The following GC variants were observed in gnomAD, a reference collection of about 807,000 sequenced individuals.
GC encodes GC vitamin D binding protein, also known as vitamin D-binding protein.
A neutral mutation model predicts 56.7 loss-of-function variants in GC; 43 were observed. That is an observed-to-expected ratio of 0.76 (90% CI 0.59 to 0.98). The LOEUF (loss-of-function observed/expected upper bound fraction) is 0.98. GC is among the 50% of genes least tolerant of loss of function. GC has a pLI of 0.00. For missense variants in GC, 529 were observed against 545.9 expected (o/e 0.97, Z 0.31); for synonymous variants, 216 against 202.7 (o/e 1.07, Z -0.56).
intron 7 of GC, 93 bp from the exon 8 acceptor site, chr4:71,757,007 A>T: frequency 2.3e-6 from 2 of 858,698 alleles, no homozygotes. Context: ...TTGGCATCAC[A>T]TTTATGAAAG....
At position 71,754,971 on chromosome 4, in the gene GC, A is replaced by G. The variant is rs1300191150; in HGVS notation, c.1164+7T>C. On this transcript the variant is annotated splice_region_variant and intron_variant, in intron 9 of 12. Transcript: ENST00000273951. ...TGTGCTTGATAAAGAAAATCCAACA[A>G]ATATACCTTAGCATTAAAACAGGTA... 1 of 1,560,598 alleles carries G rather than the reference A, an allele frequency of 6.4e-7. No individual in the cohort carries two copies. The highest frequency in any genetic ancestry group is 2.3e-5 in the East Asian group (1 of 42,948).
In GC at chr4:71,756,832, G is replaced by C. The variant is rs774383845; in HGVS notation, c.914C>G (p.Ala305Gly). Residue 305 changes from alanine (A) to glycine (G), a missense_variant, in exon 8 of 13, where the codon GCC (alanine) becomes GGC (glycine). By Grantham distance (60) the Ala-to-Gly change is moderately conservative (BLOSUM62 0). Transcript: ENST00000273951. Reference sequence around the variant, plus strand: ...GTAAGTGCACACAAAAACGTCCATGGCTGTTTTTTCTTGACAACAGTCTTC... The same window carrying C: ...GTAAGTGCACACAAAAACGTCCATGCCTGTTTTTTCTTGACAACAGTCTTC... ...KFEDCCQEKT[A>G]MDVFVCTYFM... The C allele has an allele frequency of 1.2e-6, 2 of 1,612,656 alleles. No homozygotes were observed. The highest frequency in any genetic ancestry group is 1.7e-6 in the Non-Finnish European group (2 of 1,178,718).
intron 1 of GC, among the ~76,000 whole-genome samples, chr4:71,802,781 G>C (rs1743281795): frequency 6.6e-6 from 1 of 152,146 alleles, no homozygotes. Context: ...CTGAAATATA[G>C]ATGCTTTTCA....
chr4:71,774,842 C>A (rs1742455478), intron 1 of GC, among the ~76,000 whole-genome samples: 2 of 151,750 alleles, frequency 1.3e-5, no homozygotes, highest in East Asian at 1.9e-4. Context: ...TGTACTTTAA[C>A]TTCTAAATAA....
At chr4:71,752,018 A>G (rs1412387559) in intron 11 of GC, among the ~76,000 whole-genome samples, 1 of 152,094 alleles carries the variant, frequency 6.6e-6, no homozygotes, top group African/African-American at 2.4e-5. Context: ...AATAGAAGGT[A>G]TGATATGACC....
Position 71,780,807 on chromosome 4 carries a change from C to T in GC, c.58+3154G>A, listed in dbSNP as rs1001982085. ...TGGTGGGACTGTAAACTAGTTCAAC[C>T]ATTGCGGAAGACAGTGTGACTATTC... On this transcript the variant is annotated intron_variant, in intron 1 of 12. Coordinates refer to ENST00000273951, the MANE Select transcript of GC (RefSeq NM_000583.4). 4.6e-5 allele frequency among the ~76,000 whole-genome samples: 7 copies of T among 152,130 alleles called. No individual in the cohort carries two copies. The East Asian group carries it at 9.7e-4, about 21-fold the overall frequency.
At chr4:71,791,425 C>A (rs1265748749) in intron 1 of GC, among the ~76,000 whole-genome samples, 3 of 151,830 alleles carry the variant, frequency 2.0e-5, no homozygotes, top group African/African-American at 7.3e-5. Flanking sequence ...AGTGATTATC[C>A]TCAGATATGC....
intron 1 of GC, among the ~76,000 whole-genome samples, chr4:71,803,572 C>G (rs1483354181): frequency 4.6e-5 from 7 of 152,072 alleles, no homozygotes; most frequent in Non-Finnish European, 1.0e-4. Context: ...AGTAAAAATA[C>G]CGGGTATTTC....
chr4:71,771,489 T>G (rs1011315155), intron 1 of GC, among the ~76,000 whole-genome samples: 23 of 152,156 alleles, frequency 1.5e-4, no homozygotes, highest in African/African-American at 5.5e-4. Context: ...GATTTGATAA[T>G]TGTGAGAAAA....
chr4:71,771,480 A>T (rs892860516), intron 1 of GC, among the ~76,000 whole-genome samples: 3 of 152,056 alleles, frequency 2.0e-5, no homozygotes, highest in African/African-American at 7.2e-5. Flanking sequence ...GAAAAGTCGG[A>T]TTTGATAATT....
At chr4:71,801,890 CT>C (rs58049882) in intron 1 of GC, among the ~76,000 whole-genome samples, 32,836 of 138,032 alleles carry the variant, frequency 0.24, 3,599 homozygotes, top group African/African-American at 0.37. Context: ...TTTCTTTCTT[CT>C]TTTTTTTTTT....
chr4:71,742,914 C>T (rs1430076808), intron 12 of GC, among the ~76,000 whole-genome samples: 21 of 152,246 alleles, frequency 1.4e-4, no homozygotes, highest in Admixed American at 1.0e-3. Context: ...GCGGAGCTTG[C>T]GGTGAGCCCA....
chr4:71,775,751 A>G (rs1742489592), intron 1 of GC, among the ~76,000 whole-genome samples: 1 of 152,028 alleles, frequency 6.6e-6, no homozygotes, highest in Non-Finnish European at 1.5e-5. Context: ...TGCAAACCAC[A>G]TATCTGATAA....
At chr4:71,794,590 AT>A (rs1398023937) in intron 1 of GC, among the ~76,000 whole-genome samples, 1 of 151,220 alleles carries the variant, frequency 6.6e-6, no homozygotes, top group Non-Finnish European at 1.5e-5. Context: ...AATTTTGTTG[AT>A]TTTTTTAAAA....
chr4:71,760,082 GC>G (rs1741915897), intron 6 of GC, among the ~76,000 whole-genome samples: 1 of 141,446 alleles, frequency 7.1e-6, no homozygotes, highest in Non-Finnish European at 1.5e-5. Flanking sequence ...TCGCTCTGTC[GC>G]CCCAGGCTGG....
chr4:71,765,815 C>A (rs563129498), intron 3 of GC, among the ~76,000 whole-genome samples, 172 bp from the exon 4 acceptor site: 1 of 152,078 alleles, frequency 6.6e-6, no homozygotes, highest in African/African-American at 2.4e-5. Context: ...GTGTGATTAT[C>A]GGCAAGTATA....
intron 6 of GC, among the ~76,000 whole-genome samples, chr4:71,762,577 C>T (rs933388108): frequency 1.3e-5 from 2 of 152,108 alleles, no homozygotes; most frequent in African/African-American, 4.8e-5. Context: ...TTGGCTGTGT[C>T]CCCACACAAA....
intron 6 of GC, among the ~76,000 whole-genome samples, chr4:71,761,797 G>A (rs1367198749): frequency 3.3e-5 from 5 of 152,220 alleles, no homozygotes; most frequent in African/African-American, 2.4e-5. Context: ...TTCATGTGGT[G>A]TTGAGCCTGC....
At chr4:71,747,774 T>C (rs114522037) in intron 11 of GC, among the ~76,000 whole-genome samples, 1 of 152,082 alleles carries the variant, frequency 6.6e-6, no homozygotes, top group Non-Finnish European at 1.5e-5. Context: ...TTATTTATTA[T>C]TTTTTGAGAT....
Sources: allele counts gnomAD v4.1 joint callset (sites outside exome capture counted in the v4.1 genomes callset), GRCh38; gene constraint gnomAD v4.1.1; transcripts MANE v1.5; gene names NCBI Gene and HGNC (gene_info 2026-07-23, HGNC 2026-07-21).